The following RASGRP3 variants were observed in gnomAD, a reference collection of about 807,000 sequenced individuals.
RASGRP3 encodes ras guanyl-releasing protein 3.
A neutral mutation model predicts 82.7 loss-of-function variants in RASGRP3; 54 were observed. The observed-to-expected ratio is 0.65, with a 90% CI of 0.52 to 0.82. The LOEUF (loss-of-function observed/expected upper bound fraction) is 0.82, where lower values mean the gene tolerates loss of function less well. RASGRP3 is among the 40% of genes least tolerant of loss of function. The pLI is 0.00. For missense variants in RASGRP3, 861 were observed against 828.9 expected, an observed-to-expected ratio of 1.04 and a Z score of -0.48; for synonymous variants, 309 against 300.5, an observed-to-expected ratio of 1.03 and a Z score of -0.29.
intron 2 of RASGRP3, among the ~76,000 whole-genome samples, chr2:33,466,699 CAGCGGAGGAGGT>C (rs1666717480): frequency 6.6e-6 from 1 of 150,546 alleles, no homozygotes; most frequent in Non-Finnish European, 1.5e-5. Flanking sequence ...AAAAAGATTT[CAGCGGAGGAGGT>C]AACTGCAGAT....
chr2:33,524,165 C>T (rs977805953), intron 8 of RASGRP3, 113 bp downstream of exon 8: 2 of 1,235,350 alleles, frequency 1.6e-6, no homozygotes, highest in African/African-American at 3.0e-5. Context: ...GACAACTAAA[C>T]TACTCGCTGA....
chr2:33,487,952 A>G (rs899274859), intron 1 of RASGRP3, among the ~76,000 whole-genome samples: 1 of 152,180 alleles, frequency 6.6e-6, no homozygotes, highest in African/African-American at 2.4e-5. Flanking sequence ...ATTCCTAAAC[A>G]TTTCATCACG....
intron 1 of RASGRP3, among the ~76,000 whole-genome samples, chr2:33,490,151 G>A (rs1377550206): frequency 6.6e-6 from 1 of 151,738 alleles, no homozygotes; most frequent in Non-Finnish European, 1.5e-5. Flanking sequence ...CTTCCCTTTG[G>A]TTATCTTCTC....
chr2:33,518,268 C>A (rs907985036), intron 4 of RASGRP3, among the ~76,000 whole-genome samples: 4 of 152,188 alleles, frequency 2.6e-5, no homozygotes, highest in Non-Finnish European at 5.9e-5. Context: ...TGTCGCTGTA[C>A]TGAATTCTAT....
At chr2:33,485,369 C>T (rs1668283653) in intron 1 of RASGRP3, among the ~76,000 whole-genome samples, 1 of 152,226 alleles carries the variant, frequency 6.6e-6, no homozygotes, top group African/African-American at 2.4e-5. Flanking sequence ...TTTGTGATTG[C>T]ACCCTGCAGT....
Position 33,534,410 on chromosome 2 carries a change from A to AT in RASGRP3, c.1161+14dup. The AT allele has an allele frequency of 6.6e-7, 1 of 1,514,718 alleles. No homozygotes were observed. The highest frequency in any genetic ancestry group is 9.1e-7 in the Non-Finnish European group (1 of 1,097,694). 93.8% of individuals were successfully genotyped at this position (1,514,718 alleles called of 1,614,324 possible). ...TAGAAATTCTAAATCGGTAGGTATT[A>AT]TTTTCTCTCCAAGGATCAGTACCAA... is the stretch of plus-strand genomic sequence containing the variant. On this transcript the variant is annotated intron_variant, in intron 11 of 17. Coordinates refer to ENST00000403687, the MANE Select transcript of RASGRP3 (RefSeq NM_001139488.2).
intron 1 of RASGRP3, among the ~76,000 whole-genome samples, chr2:33,442,718 T>C (rs1429350076): frequency 6.6e-6 from 1 of 152,180 alleles, no homozygotes; most frequent in Non-Finnish European, 1.5e-5. Flanking sequence ...TTAGTAATAA[T>C]TGACAATTGG....
intron 1 of RASGRP3, among the ~76,000 whole-genome samples, chr2:33,489,371 G>A (rs755401890): frequency 1.3e-5 from 2 of 152,170 alleles, no homozygotes; most frequent in African/African-American, 4.8e-5. Context: ...CTGCATCGGC[G>A]TCAGGGTGGA....
intron 2 of RASGRP3, among the ~76,000 whole-genome samples, chr2:33,466,449 C>T (rs1421984370): frequency 6.6e-6 from 1 of 152,034 alleles, no homozygotes; most frequent in African/African-American, 2.4e-5. Flanking sequence ...GAGGCCGAGG[C>T]GGACAGATCA....
upstream of RASGRP3, among the ~76,000 whole-genome samples, chr2:33,473,231 A>G (rs1196622217): frequency 6.6e-6 from 1 of 152,066 alleles, no homozygotes; most frequent in Non-Finnish European, 1.5e-5. Flanking sequence ...AAAATACAAA[A>G]AATTAGCTGG....
intron 2 of RASGRP3, among the ~76,000 whole-genome samples, chr2:33,469,331 A>G (rs1172332261): frequency 1.3e-5 from 2 of 152,120 alleles, no homozygotes; most frequent in Non-Finnish European, 2.9e-5. Flanking sequence ...TAAATCGTGA[A>G]CTTTTATCTT....
chr2:33,564,695 G>GTAAC lies in RASGRP3; in HGVS notation c.*1960_*1963dup, dbSNP rs1171599861. 2 of 152,020 alleles carry GTAAC rather than the reference G, an allele frequency of 1.3e-5. No homozygotes were observed. Among genetic ancestry groups the GTAAC allele is most frequent in the African/African-American group, 2.4e-5 (1 of 41,384 alleles). 9.4% of individuals were successfully genotyped at this position (152,020 alleles called of 1,614,324 possible). ...CCTTCCTGTGATAAAGATATTAAAT[G>GTAAC]TAACTTGAGTAAAAAATAAAAAAGA... On this transcript the variant is annotated 3_prime_UTR_variant, in exon 18 of 18. Coordinates refer to ENST00000403687, the MANE Select transcript of RASGRP3 (RefSeq NM_001139488.2).
intron 13 of RASGRP3, among the ~76,000 whole-genome samples, chr2:33,547,341 CCTT>C (rs1674883372): frequency 4.8e-5 from 3 of 62,102 alleles, no homozygotes; most frequent in African/African-American, 6.7e-5. Context: ...AATATAGAAT[CCTT>C]TTTTTTTTTT....
intron 1 of RASGRP3, among the ~76,000 whole-genome samples, chr2:33,501,501 T>C (rs1458882106): frequency 6.6e-6 from 1 of 152,244 alleles, no homozygotes; most frequent in Non-Finnish European, 1.5e-5. Flanking sequence ...TGTACCATTT[T>C]ACATTTCCAC....
chr2:33,557,110 G>A (rs552006792), intron 15 of RASGRP3, among the ~76,000 whole-genome samples: 12 of 152,204 alleles, frequency 7.9e-5, no homozygotes, highest in Middle Eastern at 3.4e-3. Flanking sequence ...CCTCCTTGAT[G>A]GTAGGAGAGA....
At chr2:33,457,635 A>G (rs1228944020) in intron 2 of RASGRP3, among the ~76,000 whole-genome samples, 1 of 151,984 alleles carries the variant, frequency 6.6e-6, no homozygotes, top group Admixed American at 6.6e-5. Context: ...TGCGGAATGC[A>G]TTATTTGCAA....
intron 2 of RASGRP3, among the ~76,000 whole-genome samples, chr2:33,514,580 G>A (rs1049882529): frequency 4.6e-5 from 7 of 151,528 alleles, no homozygotes; most frequent in Non-Finnish European, 1.0e-4. Context: ...AGCTACTTGG[G>A]GGTCAGAAGT....
chr2:33,490,161 C>T (rs988662248), intron 1 of RASGRP3, among the ~76,000 whole-genome samples: 5 of 152,118 alleles, frequency 3.3e-5, no homozygotes, highest in African/African-American at 1.2e-4. Flanking sequence ...GTTATCTTCT[C>T]TTCCTTCTGA....
rs554745308 is a variant in RASGRP3 at position 33,479,363 on chromosome 2, G to A, written c.-261+2656G>A. ...GCACACGGCTCCCATGCCCCTTCTG[G>A]CCTTTCCCTCCAGTTTTCCTGTCAC... On this transcript the variant is annotated intron_variant, in intron 1 of 17. Coordinates refer to ENST00000403687, the MANE Select transcript of RASGRP3 (RefSeq NM_001139488.2). Among the ~76,000 whole-genome samples, 8 of 152,224 alleles carry A rather than the reference G, an allele frequency of 5.3e-5. No individual in the cohort carries two copies. The East Asian group carries it at 1.2e-3, about 22-fold the overall frequency.
Sources: gnomAD v4.1 joint callset for allele counts (sites outside exome capture counted in the v4.1 genomes callset) on GRCh38, gnomAD v4.1.1 for gene constraint, MANE v1.5 for transcripts, NCBI Gene and HGNC (gene_info 2026-07-23, HGNC 2026-07-21) for gene names.